TRHDE: variants seen among roughly 807,000 people sequenced by gnomAD.
The protein encoded by TRHDE is thyrotropin releasing hormone degrading enzyme.
A neutral mutation model predicts 125.7 loss-of-function variants in TRHDE; 72 were observed. The observed-to-expected ratio is 0.57, with a 90% CI of 0.47 to 0.70. The LOEUF (loss-of-function observed/expected upper bound fraction) is 0.70, where lower values mean the gene tolerates loss of function less well. TRHDE is among the 30% of genes least tolerant of loss of function. TRHDE has a pLI of 0.00. For synonymous variants in TRHDE, 509 were observed against 509.1 expected (o/e 1.00, Z 0.00); for missense variants, 1,110 against 1,327.1 (o/e 0.84, Z 2.54).
chr12:72,313,236 G>T (rs2135701867), intron 2 of TRHDE, among the ~76,000 whole-genome samples: 1 of 151,846 alleles, frequency 6.6e-6, no homozygotes, highest in South Asian at 2.1e-4. Context: ...AGACTTTATT[G>T]GCATTGTAGA....
chr12:72,095,242 C>A (rs1222586674), intron 1 of TRHDE, among the ~76,000 whole-genome samples: 2 of 152,156 alleles, frequency 1.3e-5, no homozygotes, highest in South Asian at 4.1e-4. Flanking sequence ...ACCCACGGAC[C>A]CCTGTTATTG....
At chr12:72,280,590 T>C (rs959786073) in intron 1 of TRHDE, among the ~76,000 whole-genome samples, 3 of 152,170 alleles carry the variant, frequency 2.0e-5, no homozygotes, top group Admixed American at 1.3e-4. Context: ...TTGTGGTATT[T>C]CAGCCAGAGA....
chr12:72,384,127 A>G (rs1872313033), intron 3 of TRHDE, among the ~76,000 whole-genome samples: 1 of 152,232 alleles, frequency 6.6e-6, no homozygotes, highest in African/African-American at 2.4e-5. Flanking sequence ...AAAATGACTC[A>G]GGCTTATACT....
intron 9 of TRHDE, among the ~76,000 whole-genome samples, chr12:72,566,206 G>A (rs576666266): frequency 7.2e-5 from 11 of 152,028 alleles, no homozygotes; most frequent in African/African-American, 2.6e-4. Context: ...AATATGCTTG[G>A]TAACTTGGAA....
At chr12:72,323,753 T>C (rs77893794) in intron 2 of TRHDE, among the ~76,000 whole-genome samples, 2,144 of 152,118 alleles carry the variant, frequency 0.014, 42 homozygotes, top group African/African-American at 0.05. Flanking sequence ...GAATTGAAGG[T>C]CAAAGGCAGT....
intron 12 of TRHDE, among the ~76,000 whole-genome samples, chr12:72,617,714 G>A (rs1872878794): frequency 6.6e-6 from 1 of 152,126 alleles, no homozygotes; most frequent in Admixed American, 6.6e-5. Context: ...TCATGTTTCT[G>A]GAGGCCGGGG....
rs2136004714 is a variant in TRHDE at position 72,557,224 on chromosome 12, A to G, written c.1789-4941A>G. Among the ~76,000 whole-genome samples, 3 of 152,306 alleles carry G rather than the reference A, an allele frequency of 2.0e-5. 1 individual carries two copies. Among genetic ancestry groups the G allele is most frequent in the Admixed American group, 2.0e-4 (3 of 15,292 alleles). On this transcript the variant is annotated intron_variant, in intron 7 of 18. Transcript: ENST00000261180. ...TCCTGATTCCTTAAAGGAGGTTCTC[A>G]GGAAGAAATTCTGTATCTTTCCTCT...
intron 2 of TRHDE, among the ~76,000 whole-genome samples, chr12:72,225,581 T>C (rs1878112910): frequency 6.6e-6 from 1 of 151,986 alleles, no homozygotes; most frequent in Non-Finnish European, 1.5e-5. Flanking sequence ...AAAATAATTG[T>C]TTTGGTTTCC....
At chr12:72,605,681 T>C (rs892629892) in intron 12 of TRHDE, among the ~76,000 whole-genome samples, 4 of 152,134 alleles carry the variant, frequency 2.6e-5, no homozygotes, top group African/African-American at 9.7e-5. Context: ...AAAGATCACT[T>C]TAAATCATAA....
In TRHDE at chr12:72,166,907, C is replaced by CGTGTGTGT. The variant is rs59590935; in HGVS notation, n.279+61194_279+61201dup. Among the ~76,000 whole-genome samples, 326 of 139,322 alleles carry CGTGTGTGT rather than the reference C, an allele frequency of 2.3e-3. 2 individuals carry two copies. The highest frequency in any genetic ancestry group is 0.014 in the South Asian group (55 of 3,984). The allele number at this position is 139,322 out of a possible 152,430, so 91.4% of individuals were successfully genotyped here. On this transcript the variant is annotated intron_variant and non_coding_transcript_variant, in intron 2 of 4. Coordinates refer to the TRHDE transcript ENST00000548156. ...AATGGAAGAATAAAAGGTAGATGAACGTGTGTGTGTGTGTGTGTGTGTGTG... is the reference window on the plus strand; with the variant it reads ...AATGGAAGAATAAAAGGTAGATGAACGTGTGTGTGTGTGTGTGTGTGTGTGTGTGTGTG...
rs1874919088 is a variant in TRHDE at position 72,661,569 on chromosome 12, C to G, written c.3067-1483C>G. ...CCTTAAGGATATAGACTGGATGAGT[C>G]TGAACATAAATATATAAGTACAAAT... On this transcript the variant is annotated intron_variant, in intron 18 of 18. Transcript: ENST00000261180. 2.6e-5 allele frequency among the ~76,000 whole-genome samples: 4 copies of G among 152,140 alleles called. No individual in the cohort carries two copies. The South Asian group carries it at 8.3e-4, about 32-fold the overall frequency.
rs747482811 is a variant in TRHDE at position 72,542,403 on chromosome 12, A to G, written c.1788+47A>G. 4.6e-6 allele frequency: 7 copies of G among 1,510,642 alleles called. No individual in the cohort carries two copies. In the East Asian group the frequency reaches 1.6e-4, roughly 34 times the overall value. The allele number at this position is 1,510,642 out of a possible 1,614,324, so 93.6% of individuals were successfully genotyped here. ...TTCTTTTACATTTTTCCTTGTCAAT[A>G]TATTTCACAGCTTAGGAAATGGCTA... is the stretch of plus-strand genomic sequence containing the variant. On this transcript the variant is annotated intron_variant, in intron 7 of 18. Transcript: ENST00000261180.
chr12:72,559,852 G>A (rs879522695), intron 7 of TRHDE, among the ~76,000 whole-genome samples: 3 of 151,974 alleles, frequency 2.0e-5, no homozygotes, highest in Non-Finnish European at 4.4e-5. Context: ...ATTATACCAA[G>A]ACTTCTATAG....
intron 2 of TRHDE, among the ~76,000 whole-genome samples, chr12:72,314,217 G>A (rs1285142942): frequency 6.6e-6 from 1 of 151,928 alleles, no homozygotes; most frequent in Non-Finnish European, 1.5e-5. Flanking sequence ...CAGAACAGCA[G>A]ACACCAGGTC....
chr12:72,379,290 G>T (rs1872039009), intron 3 of TRHDE, among the ~76,000 whole-genome samples: 1 of 152,200 alleles, frequency 6.6e-6, no homozygotes, highest in Admixed American at 6.5e-5. Flanking sequence ...ACAAAATTCT[G>T]AAATCTTTTT....
chr12:72,385,793 ATACT>A (rs1431244426), intron 3 of TRHDE, among the ~76,000 whole-genome samples: 1 of 152,160 alleles, frequency 6.6e-6, no homozygotes, highest in East Asian at 1.9e-4. Flanking sequence ...AATATATAGG[ATACT>A]TAATGTTTAT....
intron 2 of TRHDE, among the ~76,000 whole-genome samples, chr12:72,113,958 C>T (rs1267126021): frequency 6.6e-6 from 1 of 151,946 alleles, no homozygotes; most frequent in East Asian, 1.9e-4. Context: ...TCCAACTCAG[C>T]TGGTTATTTG....
At chr12:72,599,206 T>C (rs1344826790) in intron 12 of TRHDE, among the ~76,000 whole-genome samples, 1 of 152,152 alleles carries the variant, frequency 6.6e-6, no homozygotes, top group East Asian at 1.9e-4. Flanking sequence ...CAGGTGTCTT[T>C]TTGGTAGAAC....
chr12:72,634,229 G>GGCTT (rs1873621430), intron 15 of TRHDE, among the ~76,000 whole-genome samples: 1 of 152,066 alleles, frequency 6.6e-6, no homozygotes, highest in African/African-American at 2.4e-5. Context: ...TATTCACAGT[G>GGCTT]GCTTCATTAG....
Sources: allele counts gnomAD v4.1 joint callset (sites outside exome capture counted in the v4.1 genomes callset), GRCh38; gene constraint gnomAD v4.1.1; transcripts MANE v1.5; gene names NCBI Gene and HGNC (gene_info 2026-07-23, HGNC 2026-07-21).